Variants in NDUFAF5 observed in about 807,000 individuals in gnomAD.
NDUFAF5 encodes arginine-hydroxylase NDUFAF5, mitochondrial.
NDUFAF5 carries 34 observed loss-of-function variants against 48.9 expected under a neutral mutation model. The ratio of observed to expected loss-of-function variants is 0.70; its 90% CI spans 0.53 to 0.93. NDUFAF5 has a LOEUF of 0.93. NDUFAF5 is among the 40% of genes least tolerant of loss of function. The pLI is 0.00. For missense variants in NDUFAF5, 428 were observed against 427.5 expected (o/e 1.00, Z -0.01); for synonymous variants, 153 against 150.6 (o/e 1.02, Z -0.12).
rs561549424 is a variant in NDUFAF5, at chr20:13,802,917, A to G, written c.717+1234A>G. ...TCTAAAGGATGTCATTACTCTCTTC[A>G]GAGATCAGTCCAGTAGACTTAATAT... On this transcript the variant is annotated intron_variant, in intron 7 of 10. Transcript: ENST00000378106. Among the ~76,000 whole-genome samples the G allele has an allele frequency of 3.3e-5, 5 of 152,270 alleles. No individual in the cohort carries two copies. In the East Asian group the frequency reaches 7.7e-4, roughly 24 times the overall value.
At chr20:13,804,171 C>G (rs1443407399) in intron 7 of NDUFAF5, among the ~76,000 whole-genome samples, 1 of 152,182 alleles carries the variant, frequency 6.6e-6, no homozygotes, top group Non-Finnish European at 1.5e-5. Context: ...AGTAACAGAG[C>G]TAGATTCTCA....
rs377078447 is a variant in NDUFAF5, at chr20:13,785,213, C to T, written c.145C>T (p.Arg49Trp). 2.5e-6 allele frequency: 4 copies of T among 1,613,588 alleles called. No homozygotes were observed. Among genetic ancestry groups the T allele is most frequent in the South Asian group, 2.2e-5 (2 of 90,990 alleles). ...GCCCAGAACCCTGAATATTTTCGAC[C>T]GGGATTTGAAAAGGAAACAGAAGAA... ...TSPRTLNIFDRDLKRKQKNWA... is the reference protein window; with the variant it reads ...TSPRTLNIFDWDLKRKQKNWA... Residue 49 changes from arginine to tryptophan, a missense_variant, in exon 1 of 11, where the codon CGG becomes TGG. Physicochemically the swap from Arg to Trp is moderately radical, Grantham distance 101. Coordinates refer to ENST00000378106, the MANE Select transcript of NDUFAF5 (RefSeq NM_024120.5).
At chr20:13,801,435 A>G in intron 6 of NDUFAF5, 51 bp from the exon 7 acceptor site, 1 of 1,214,644 alleles carries the variant, frequency 8.2e-7, no homozygotes, top group Non-Finnish European at 1.2e-6. Context: ...ATTTTTTAAC[A>G]TTTATATATA....
chr20:13,788,683 G>T, intron 3 of NDUFAF5, 31 bp downstream of exon 3: 1 of 1,415,180 alleles, frequency 7.1e-7, no homozygotes, highest in Non-Finnish European at 1.0e-6. Flanking sequence ...AATTTACTTT[G>T]AAAAGTAACA....
At chr20:13,800,239 T>A (rs141816801) in intron 6 of NDUFAF5, among the ~76,000 whole-genome samples, 22 of 152,210 alleles carry the variant, frequency 1.4e-4, no homozygotes, top group African/African-American at 5.3e-4. Context: ...AACTAAGTCT[T>A]AGGTATTTGG....
At chr20:13,807,468 A>C (rs1252049054) in intron 7 of NDUFAF5, among the ~76,000 whole-genome samples, 1 of 151,014 alleles carries the variant, frequency 6.6e-6, no homozygotes, top group Non-Finnish European at 1.5e-5. Flanking sequence ...ATTTAAACTT[A>C]CTTATATAAT....
At chr20:13,809,988 C>T (rs1314951804) in intron 8 of NDUFAF5, among the ~76,000 whole-genome samples, 1 of 152,064 alleles carries the variant, frequency 6.6e-6, no homozygotes, top group African/African-American at 2.4e-5. Flanking sequence ...CAGGTACAGC[C>T]CTTGAGTTTA....
chr20:13,818,087 A>ATT lies in NDUFAF5; in HGVS notation c.*878_*879insTT, dbSNP rs1288986211. The ATT allele has an allele frequency of 4.4e-6, 2 of 453,910 alleles. No homozygotes were observed. The highest frequency in any genetic ancestry group is 4.0e-5 in the African/African-American group (2 of 49,986). 28.1% of individuals were successfully genotyped at this position (453,910 alleles called of 1,614,324 possible). A position where few individuals can be genotyped will look rare whatever the true frequency, so the allele number is the denominator to read the frequency against. ...CTAGCCTCATCTTCAGCCTTCAGTG[A>ATT]TCTATAATAGCATTTCCTTCTGTCT... is the stretch of plus-strand genomic sequence containing the variant. On this transcript the variant is annotated 3_prime_UTR_variant, in exon 11 of 11. Transcript: ENST00000378106.
intron 5 of NDUFAF5, among the ~76,000 whole-genome samples, chr20:13,796,889 G>GAATT (rs1271202347): frequency 1.3e-5 from 2 of 152,196 alleles, no homozygotes; most frequent in Admixed American, 1.3e-4. Context: ...TGAGGCATGA[G>GAATT]AATTACTTGA....
chr20:13,799,802 A>G (rs1208615678), intron 6 of NDUFAF5, among the ~76,000 whole-genome samples: 1 of 152,132 alleles, frequency 6.6e-6, no homozygotes, highest in Non-Finnish European at 1.5e-5. Flanking sequence ...CTAGGTGGTA[A>G]TGGTAGGAGT....
rs1986801610 is a variant in NDUFAF5 at position 13,819,050 on chromosome 20, A to G, written c.*1840A>G. The G allele has an allele frequency of 6.6e-6, 1 of 152,256 alleles. No individual in the cohort carries two copies. The highest frequency in any genetic ancestry group is 6.5e-5 in the Admixed American group (1 of 15,286). The allele number at this position is 152,256 out of a possible 1,614,324, so 9.4% of individuals were successfully genotyped here. A position where few individuals can be genotyped will look rare whatever the true frequency, so the allele number is the denominator to read the frequency against. ...TCCATTTGTTTAAAAAAATTAAGTA[A>G]ATCAAACACAGCTAATTGAGGACCC... On this transcript the variant is annotated 3_prime_UTR_variant, in exon 11 of 11. Coordinates refer to ENST00000378106, the MANE Select transcript of NDUFAF5 (RefSeq NM_024120.5).
intron 5 of NDUFAF5, among the ~76,000 whole-genome samples, chr20:13,797,093 G>A (rs1983354114): frequency 6.6e-6 from 1 of 152,162 alleles, no homozygotes; most frequent in Non-Finnish European, 1.5e-5. Flanking sequence ...CCAAAATCCA[G>A]GACACTGACA....
intron 7 of NDUFAF5, among the ~76,000 whole-genome samples, chr20:13,804,444 A>G (rs1984694979): frequency 6.6e-6 from 1 of 151,626 alleles, no homozygotes; most frequent in Non-Finnish European, 1.5e-5. Context: ...TTTAACAAGG[A>G]CTACTTTATA....
In NDUFAF5 at chr20:13,816,878, T is replaced by G. The variant is rs767699787; in HGVS notation, c.866T>G (p.Met289Arg). 8 of 1,601,844 alleles carry G rather than the reference T, an allele frequency of 5.0e-6. No homozygotes were observed. The highest frequency in any genetic ancestry group is 6.0e-6 in the Non-Finnish European group (7 of 1,168,860). Residue 289 changes from methionine to arginine, a missense_variant, in exon 10 of 11, where the codon ATG (methionine) becomes AGG (arginine). Met to Arg is a moderately conservative substitution (Grantham distance 91). Transcript: ENST00000378106. Reference protein sequence around the residue: ...MLAAAAVYREMYRNEDGSVPA... With the variant: ...MLAAAAVYRERYRNEDGSVPA... ...TTAACCATTATTGTCTTTTTAGAAA[T>G]GTACAGAAATGAAGATGGTTCAGTA...
chr20:13,795,307 T>A (rs550396880), intron 5 of NDUFAF5, among the ~76,000 whole-genome samples: 205 of 152,240 alleles, frequency 1.3e-3, no homozygotes, highest in Middle Eastern at 3.4e-3. Flanking sequence ...AATTCCAAAA[T>A]AATAAGTTAC....
At chr20:13,791,125 A>C (rs957631499) in intron 3 of NDUFAF5, among the ~76,000 whole-genome samples, 5 of 152,212 alleles carry the variant, frequency 3.3e-5, no homozygotes, top group African/African-American at 1.2e-4. Context: ...TGTGGCAAGG[A>C]GCACGGGATC....
intron 9 of NDUFAF5, 50 bp downstream of exon 9, chr20:13,816,596 A>G (rs1375510701): frequency 7.0e-6 from 10 of 1,419,552 alleles, no homozygotes; most frequent in Non-Finnish European, 1.0e-5. Context: ...CTTGTGCTGT[A>G]TCATGTTGAT....
intron 7 of NDUFAF5, among the ~76,000 whole-genome samples, chr20:13,805,901 T>C (rs1010464138): frequency 6.6e-6 from 1 of 152,158 alleles, no homozygotes; most frequent in Non-Finnish European, 1.5e-5. Context: ...CACTCCAGCC[T>C]GTGTGACAGA....
intron 1 of NDUFAF5, among the ~76,000 whole-genome samples, chr20:13,786,686 A>G: frequency 6.6e-6 from 1 of 152,110 alleles, no homozygotes; most frequent in East Asian, 1.9e-4. Flanking sequence ...AATGTGGGGA[A>G]TACTAGACTC....
Sources: gnomAD v4.1 joint callset for allele counts (sites outside exome capture counted in the v4.1 genomes callset) on GRCh38, gnomAD v4.1.1 for gene constraint, MANE v1.5 for transcripts, NCBI Gene and HGNC (gene_info 2026-07-23, HGNC 2026-07-21) for gene names.